The following AGPAT4 variants were observed in gnomAD, a reference collection of about 807,000 sequenced individuals.
The protein encoded by AGPAT4 is 1-acyl-sn-glycerol-3-phosphate acyltransferase delta.
A neutral mutation model predicts 48.0 loss-of-function variants in AGPAT4; 15 were observed. That is an observed-to-expected ratio of 0.31 (90% CI 0.21 to 0.48). The LOEUF is 0.48. Among genes scored for constraint, AGPAT4 ranks in the 20% least tolerant of loss-of-function variants. The pLI is 0.99. For synonymous variants in AGPAT4, 178 were observed against 198.7 expected (o/e 0.90, Z 0.88); for missense variants, 314 against 482.5 (o/e 0.65, Z 3.27).
At chr6:161,162,551 C>T (rs951705346) in intron 3 of AGPAT4, among the ~76,000 whole-genome samples, 2 of 152,198 alleles carry the variant, frequency 1.3e-5, no homozygotes, top group African/African-American at 2.4e-5. Context: ...AAGCCCCTCC[C>T]GAGAGACCCT....
In AGPAT4 at chr6:161,251,113, T is replaced by A. The variant is rs901195018; in HGVS notation, c.-89-18811A>T. ...TTAAACTTAGGGCTTCCTTCTACGC[T>A]TATTTCTTATCCTGCAGAAAACTGA... On this transcript the variant is annotated intron_variant, in intron 1 of 8. Coordinates refer to ENST00000320285, the MANE Select transcript of AGPAT4 (RefSeq NM_020133.3). This position sits in a 1 kb window ranked among gnomAD's most constrained non-coding sequence, Gnocchi z 4.6. Among the ~76,000 whole-genome samples the A allele has an allele frequency of 2.6e-5, 4 of 152,230 alleles. No individual in the cohort carries two copies. Among genetic ancestry groups the A allele is most frequent in the African/African-American group, 7.2e-5 (3 of 41,476 alleles).
chr6:161,194,019 A>G (rs1258412171), intron 2 of AGPAT4, among the ~76,000 whole-genome samples: 1 of 152,182 alleles, frequency 6.6e-6, no homozygotes, highest in Non-Finnish European at 1.5e-5. Context: ...ATCACTGTCT[A>G]CAGCTATGCT....
Position 161,137,553 on chromosome 6 carries a change from A to G in AGPAT4, c.1043-919T>C, listed in dbSNP as rs1779104403. Among the ~76,000 whole-genome samples, 1 of 152,232 alleles carries G rather than the reference A, an allele frequency of 6.6e-6. No individual in the cohort carries two copies. The highest frequency in any genetic ancestry group is 2.1e-4 in the South Asian group (1 of 4,828). ...CATTTACAAACTGGAGGGCTCCTGCATGGAGCGTAACAGTAACAGTGAGAG... is the reference window on the plus strand; with the variant it reads ...CATTTACAAACTGGAGGGCTCCTGCGTGGAGCGTAACAGTAACAGTGAGAG... On this transcript the variant is annotated intron_variant, in intron 8 of 8. Transcript: ENST00000320285. The surrounding 1 kb of genome is among the most constrained non-coding windows in gnomAD (Gnocchi z 6.1).
chr6:161,136,685 G>T, intron 8 of AGPAT4, 51 bp from the exon 9 acceptor site: 1 of 1,526,672 alleles, frequency 6.6e-7, no homozygotes, highest in Non-Finnish European at 9.1e-7. Flanking sequence ...AGACTACAGG[G>T]CCGTTTTCCC....
At position 161,195,796 on chromosome 6, in the gene AGPAT4, A is replaced by T. The variant is rs1781051268; in HGVS notation, c.179-29379T>A. Among the ~76,000 whole-genome samples the T allele has an allele frequency of 6.6e-6, 1 of 152,192 alleles. No individual in the cohort carries two copies. Among genetic ancestry groups the T allele is most frequent in the Non-Finnish European group, 1.5e-5 (1 of 68,042 alleles). Reference sequence around the variant, plus strand: ...ATGCCACACCCTCGGGGCTCGTCACACAGGCATGGCTCTACACTGCTCTCT... The same window carrying T: ...ATGCCACACCCTCGGGGCTCGTCACTCAGGCATGGCTCTACACTGCTCTCT... On this transcript the variant is annotated intron_variant, in intron 2 of 8. Coordinates refer to ENST00000320285, the MANE Select transcript of AGPAT4 (RefSeq NM_020133.3). The surrounding 1 kb of genome is among the most constrained non-coding windows in gnomAD (Gnocchi z 5.0).
rs760533310 is a variant in AGPAT4, at chr6:161,180,646, C to T, written c.179-14229G>A. ...AAATTAAAGCCCTCATCCTCAGAAG[C>T]ATCCAAAATGCAAAAGCGAAGCTAC... is the stretch of plus-strand genomic sequence containing the variant. On this transcript the variant is annotated intron_variant, in intron 2 of 8. Transcript: ENST00000320285. This position sits in a 1 kb window ranked among gnomAD's most constrained non-coding sequence, Gnocchi z 6.4. 6.6e-5 allele frequency among the ~76,000 whole-genome samples: 10 copies of T among 152,154 alleles called. No individual in the cohort carries two copies. The highest frequency in any genetic ancestry group is 1.5e-4 in the Non-Finnish European group (10 of 68,030).
In AGPAT4 at chr6:161,200,781, C is replaced by T. The variant is rs1025972925; in HGVS notation, c.178+31255G>A. On this transcript the variant is annotated intron_variant, in intron 2 of 8. Transcript: ENST00000320285. This position sits in a 1 kb window ranked among gnomAD's most constrained non-coding sequence, Gnocchi z 5.5. Reference sequence around the variant, plus strand: ...CATACGGTCCATGTGTTACACTGCCCCCGCAGGATGGCTCTTGTCTCTGAG... The same window carrying T: ...CATACGGTCCATGTGTTACACTGCCTCCGCAGGATGGCTCTTGTCTCTGAG... 6.6e-6 allele frequency among the ~76,000 whole-genome samples: 1 copy of T among 152,184 alleles called. No homozygotes were observed. Among genetic ancestry groups the T allele is most frequent in the Non-Finnish European group, 1.5e-5 (1 of 68,036 alleles).
chr6:161,244,862 C>G lies in AGPAT4; in HGVS notation c.-89-12560G>C, dbSNP rs1223038375. On this transcript the variant is annotated intron_variant, in intron 1 of 8. Transcript: ENST00000320285. This position sits in a 1 kb window ranked among gnomAD's most constrained non-coding sequence, Gnocchi z 4.7. ...CTCCTAATCAGTGAAGGTCACCAAC[C>G]ACAGACAGATGGGCCAAAACCCCAG... 6.6e-6 allele frequency among the ~76,000 whole-genome samples: 1 copy of G among 152,168 alleles called. No individual in the cohort carries two copies. The highest frequency in any genetic ancestry group is 1.5e-5 in the Non-Finnish European group (1 of 68,042).
rs1248832269 is a variant in AGPAT4, at chr6:161,155,467, C to T, written c.349-1157G>A. Reference sequence around the variant, plus strand: ...TCCCCGTTACACCCATGCCTCTCCGCAGCTCCAGCTCAGCACAGGGTCAGT... The same window carrying T: ...TCCCCGTTACACCCATGCCTCTCCGTAGCTCCAGCTCAGCACAGGGTCAGT... On this transcript the variant is annotated intron_variant, in intron 3 of 8. Transcript: ENST00000320285. The surrounding 1 kb of genome is among the most constrained non-coding windows in gnomAD (Gnocchi z 5.8). Among the ~76,000 whole-genome samples the T allele has an allele frequency of 6.6e-6, 1 of 152,186 alleles. No individual in the cohort carries two copies. The highest frequency in any genetic ancestry group is 1.5e-5 in the Non-Finnish European group (1 of 68,026).
In AGPAT4 at chr6:161,171,968, A is replaced by T. The variant is rs112175881; in HGVS notation, c.179-5551T>A. ...ATGAACTCTGGGGGACACATTCAGA[A>T]CATAGCATCCCTGAAATATTTACCT... On this transcript the variant is annotated intron_variant, in intron 2 of 8. Transcript: ENST00000320285. The surrounding 1 kb of genome is among the most constrained non-coding windows in gnomAD (Gnocchi z 4.4). 9.1e-3 allele frequency among the ~76,000 whole-genome samples: 1,382 copies of T among 152,284 alleles called. 21 individuals carry two copies. The highest frequency in any genetic ancestry group is 0.032 in the African/African-American group (1,325 of 41,562).
intron 2 of AGPAT4, among the ~76,000 whole-genome samples, chr6:161,230,440 CT>C (rs1782094371): frequency 6.6e-6 from 1 of 152,158 alleles, no homozygotes; most frequent in African/African-American, 2.4e-5. Flanking sequence ...AATTTAAATT[CT>C]GCTTAAATAG....
Position 161,135,482 on chromosome 6 carries a change from C to T in AGPAT4, c.*1058G>A, listed in dbSNP as rs1394263391. ...GAGTAAAATGGGAGCAGACAGGAGCCCGGAAGGAAGGCAGAAGCCTGGGGG... is the reference window on the plus strand; with the variant it reads ...GAGTAAAATGGGAGCAGACAGGAGCTCGGAAGGAAGGCAGAAGCCTGGGGG... On this transcript the variant is annotated 3_prime_UTR_variant, in exon 9 of 9. Transcript: ENST00000320285. 1 of 152,254 alleles carries T rather than the reference C, an allele frequency of 6.6e-6. No homozygotes were observed. The highest frequency in any genetic ancestry group is 1.9e-4 in the East Asian group (1 of 5,202). 9.4% of individuals were successfully genotyped at this position (152,254 alleles called of 1,614,324 possible).
chr6:161,149,168 A>G lies in AGPAT4; in HGVS notation c.767+19T>C, dbSNP rs1468606198. 4 of 1,607,802 alleles carry G rather than the reference A, an allele frequency of 2.5e-6. No individual in the cohort carries two copies. Among genetic ancestry groups the G allele is most frequent in the African/African-American group, 2.7e-5 (2 of 74,634 alleles). On this transcript the variant is annotated intron_variant, in intron 6 of 8. Transcript: ENST00000320285. The surrounding 1 kb of genome is among the most constrained non-coding windows in gnomAD (Gnocchi z 6.5). ...GAAATGGGCACTGTCTTTTCTGGAAAGGAAACAGTTCGACTTACCTAACAT... is the reference window on the plus strand; with the variant it reads ...GAAATGGGCACTGTCTTTTCTGGAAGGGAAACAGTTCGACTTACCTAACAT...
At chr6:161,211,636 AAC>A (rs1781525633) in intron 2 of AGPAT4, among the ~76,000 whole-genome samples, 1 of 152,182 alleles carries the variant, frequency 6.6e-6, no homozygotes, top group South Asian at 2.1e-4. Flanking sequence ...TTTTAAAAAA[AAC>A]GTTTATATGA....
chr6:161,211,005 A>G (rs1781507775), intron 2 of AGPAT4, among the ~76,000 whole-genome samples: 1 of 152,244 alleles, frequency 6.6e-6, no homozygotes, highest in African/African-American at 2.4e-5. Context: ...AAGTTCCTCC[A>G]AAAGTTAATT....
chr6:161,201,691 G>A lies in AGPAT4; in HGVS notation c.178+30345C>T, dbSNP rs1425695427. ...ATTCCCCACTTGTAGCAATTCCAGG[G>A]TGATGCTGAGGCTGACTTCAAAAGA... On this transcript the variant is annotated intron_variant, in intron 2 of 8. Coordinates refer to ENST00000320285, the MANE Select transcript of AGPAT4 (RefSeq NM_020133.3). The surrounding 1 kb of genome is among the most constrained non-coding windows in gnomAD (Gnocchi z 6.0). Among the ~76,000 whole-genome samples the A allele has an allele frequency of 6.6e-6, 1 of 152,176 alleles. No individual in the cohort carries two copies. Among genetic ancestry groups the A allele is most frequent in the Admixed American group, 6.5e-5 (1 of 15,280 alleles).
At chr6:161,183,191 CT>C (rs1177103693) in intron 2 of AGPAT4, among the ~76,000 whole-genome samples, 6 of 152,186 alleles carry the variant, frequency 3.9e-5, no homozygotes, top group Non-Finnish European at 7.3e-5. Context: ...GGACCAGTCC[CT>C]TTTCTTATCC....
chr6:161,186,261 G>A (rs1040391917), intron 2 of AGPAT4, among the ~76,000 whole-genome samples: 2 of 152,146 alleles, frequency 1.3e-5, no homozygotes, highest in African/African-American at 4.8e-5. Context: ...ACATGATGAT[G>A]AATCACATTT....
rs973896381 is a variant in AGPAT4, at chr6:161,180,762, G to C, written c.179-14345C>G. 6.6e-6 allele frequency among the ~76,000 whole-genome samples: 1 copy of C among 152,118 alleles called. No individual in the cohort carries two copies. The highest frequency in any genetic ancestry group is 2.4e-5 in the African/African-American group (1 of 41,422). On this transcript the variant is annotated intron_variant, in intron 2 of 8. Coordinates refer to ENST00000320285, the MANE Select transcript of AGPAT4 (RefSeq NM_020133.3). The surrounding 1 kb of genome is among the most constrained non-coding windows in gnomAD (Gnocchi z 6.4). ...CTCCTGGCATCATAAGGAGGCTTGG[G>C]AGACAGGACGGTGCCTTCACACTCA...
Sources: allele counts gnomAD v4.1 joint callset (sites outside exome capture counted in the v4.1 genomes callset), GRCh38; gene constraint gnomAD v4.1.1; non-coding constraint Gnocchi (gnomAD v3.1); transcripts MANE v1.5; gene names NCBI Gene and HGNC (gene_info 2026-07-23, HGNC 2026-07-21).